Variants in CLSTN2 observed in about 807,000 individuals in gnomAD.
CLSTN2 encodes the protein calsyntenin 2.
A neutral mutation model predicts 101.2 loss-of-function variants in CLSTN2; 48 were observed. The observed-to-expected ratio is 0.47, with a 90% CI of 0.38 to 0.60. CLSTN2 has a LOEUF of 0.60. CLSTN2 is among the 20% of genes least tolerant of loss of function. The pLI, the probability that CLSTN2 is intolerant of heterozygous loss-of-function variation, is 0.00. For missense variants in CLSTN2, 1,160 were observed against 1,238.2 expected, an observed-to-expected ratio of 0.94 and a Z score of 0.95; for synonymous variants, 481 against 463.6, an observed-to-expected ratio of 1.04 and a Z score of -0.48.
At chr3:140,127,826 G>A (rs948246603) in intron 1 of CLSTN2, among the ~76,000 whole-genome samples, 2 of 152,246 alleles carry the variant, frequency 1.3e-5, no homozygotes, top group East Asian at 1.9e-4. Flanking sequence ...AGGGCTAGAT[G>A]TGATCCTGTT....
chr3:140,359,970 T>C (rs937703217), intron 2 of CLSTN2, among the ~76,000 whole-genome samples: 1 of 147,102 alleles, frequency 6.8e-6, no homozygotes, highest in Non-Finnish European at 1.5e-5. Context: ...GTAATATATA[T>C]ACACACATAC....
chr3:140,265,789 C>T (rs999198088), intron 2 of CLSTN2, among the ~76,000 whole-genome samples: 1 of 152,142 alleles, frequency 6.6e-6, no homozygotes, highest in African/African-American at 2.4e-5. Flanking sequence ...AAGAATATTA[C>T]ATATCAAAGG....
At chr3:140,231,649 A>G (rs72988198) in intron 2 of CLSTN2, among the ~76,000 whole-genome samples, 6,046 of 152,250 alleles carry the variant, frequency 0.04, 371 homozygotes, top group African/African-American at 0.14. Context: ...ACGTTGCTCC[A>G]TTATCTCTTC....
chr3:140,537,289 T>G (rs1045933155), intron 9 of CLSTN2, among the ~76,000 whole-genome samples: 6 of 152,210 alleles, frequency 3.9e-5, no homozygotes, highest in Non-Finnish European at 7.3e-5. Context: ...CTGGTCAGTG[T>G]TCTGCAGCCC....
Position 140,573,876 on chromosome 3 carries a change from G to C in CLSTN2, c.*7623G>C, listed in dbSNP as rs1297284707. ...GAGCTGGTACCTCTGGACCATTGAG[G>C]CAACACCTCCCCAGAGGCAGGACCC... On this transcript the variant is annotated 3_prime_UTR_variant, in exon 17 of 17. Coordinates refer to ENST00000458420, the MANE Select transcript of CLSTN2 (RefSeq NM_022131.3). The C allele has an allele frequency of 1.3e-5, 2 of 152,326 alleles. No homozygotes were observed. Among genetic ancestry groups the C allele is most frequent in the Non-Finnish European group, 2.9e-5 (2 of 68,150 alleles). 9.4% of individuals were successfully genotyped at this position (152,326 alleles called of 1,614,324 possible). A position where few individuals can be genotyped will look rare whatever the true frequency, so the allele number is the denominator to read the frequency against.
At chr3:140,536,413 C>A (rs1024318580) in intron 9 of CLSTN2, among the ~76,000 whole-genome samples, 13 of 152,116 alleles carry the variant, frequency 8.5e-5, no homozygotes, top group Non-Finnish European at 1.8e-4. Flanking sequence ...TCTGCAAGAC[C>A]ATAGCATGAT....
At chr3:140,044,339 T>C (rs1576407739) in intron 1 of CLSTN2, among the ~76,000 whole-genome samples, 1 of 152,358 alleles carries the variant, frequency 6.6e-6, no homozygotes, top group East Asian at 1.9e-4. Context: ...TTGTCTGTTA[T>C]TGATGTATAA....
At chr3:140,481,146 G>T (rs1299694135) in intron 8 of CLSTN2, among the ~76,000 whole-genome samples, 3 of 152,160 alleles carry the variant, frequency 2.0e-5, no homozygotes, top group East Asian at 3.8e-4. Flanking sequence ...AAGGGATCCA[G>T]TTTCAGCTTT....
chr3:140,556,542 G>A lies in CLSTN2; in HGVS notation c.1704G>A (p.Leu568=), dbSNP rs1935796268. Residue 568 remains leucine (L), a synonymous_variant, in exon 11 of 17, where the codon CTG becomes CTA. Transcript: ENST00000458420. ...KYHFNPSQSI[L]VMEGDDIGNI... ...ACTTCAACCCCTCGCAGTCCATCCT[G>A]GTGATGGAAGGTGACGACATTGGGA... is the stretch of plus-strand genomic sequence containing the variant. 6.2e-7 allele frequency: 1 copy of A among 1,613,716 alleles called. No individual in the cohort carries two copies. Among genetic ancestry groups the A allele is most frequent in the Admixed American group, 1.7e-5 (1 of 59,996 alleles).
intron 2 of CLSTN2, among the ~76,000 whole-genome samples, chr3:140,313,909 C>T (rs979177900): frequency 2.0e-5 from 3 of 152,168 alleles, no homozygotes; most frequent in African/African-American, 4.8e-5. Context: ...GGAACAGGCC[C>T]CACTTTTTGG....
intron 1 of CLSTN2, among the ~76,000 whole-genome samples, chr3:140,101,850 C>A (rs773849235): frequency 1.4e-4 from 22 of 152,168 alleles, no homozygotes; most frequent in Admixed American, 3.3e-4. Flanking sequence ...AGAAGTGAAA[C>A]AACTCAGTGC....
At chr3:140,173,616 G>C (rs1272204382) in intron 1 of CLSTN2, among the ~76,000 whole-genome samples, 1 of 152,216 alleles carries the variant, frequency 6.6e-6, no homozygotes, top group Non-Finnish European at 1.5e-5. Flanking sequence ...CTCCCCTGCA[G>C]CAAACTTTTG....
intron 5 of CLSTN2, among the ~76,000 whole-genome samples, chr3:140,445,800 T>C (rs1933063254): frequency 6.6e-6 from 1 of 152,150 alleles, no homozygotes; most frequent in South Asian, 2.1e-4. Context: ...TATCAAAAGA[T>C]AGCCTGTAGG....
intron 10 of CLSTN2, among the ~76,000 whole-genome samples, chr3:140,547,830 T>C (rs1219383540): frequency 6.6e-6 from 1 of 152,056 alleles, no homozygotes; most frequent in African/African-American, 2.4e-5. Context: ...GAAAAAACAG[T>C]CCCTCGGCCT....
chr3:139,996,993 G>T (rs1466452019), intron 1 of CLSTN2, among the ~76,000 whole-genome samples: 1 of 144,566 alleles, frequency 6.9e-6, no homozygotes, highest in Non-Finnish European at 1.5e-5. Flanking sequence ...GTTGCAGTCA[G>T]CCAAGATCGC....
intron 2 of CLSTN2, among the ~76,000 whole-genome samples, chr3:140,212,299 G>A (rs998872439): frequency 1.3e-5 from 2 of 152,182 alleles, no homozygotes; most frequent in African/African-American, 2.4e-5. Context: ...CAGCCCTAGG[G>A]GAGCTGGTGA....
In CLSTN2 at chr3:140,448,664, C is replaced by T. The variant is rs560710661; in HGVS notation, c.933C>T (p.Asp311=). The T allele has an allele frequency of 1.5e-5, 24 of 1,614,072 alleles. 1 individual carries two copies. The South Asian group carries it at 2.5e-4, about 17-fold the overall frequency. ...CTAATTACATTGGGAAGGGTTGTGA[C>T]CGGGAGACCTACTCTGAGAAATCCC... The part of the protein sequence containing the change: ...LQTNYIGKGC[D]RETYSEKSLQ... Residue 311 remains aspartate, a synonymous_variant, in exon 6 of 17, where the codon GAC becomes GAT. Coordinates refer to ENST00000458420, the MANE Select transcript of CLSTN2 (RefSeq NM_022131.3).
At chr3:140,542,649 T>C (rs1419879252) in intron 9 of CLSTN2, among the ~76,000 whole-genome samples, 1 of 152,218 alleles carries the variant, frequency 6.6e-6, no homozygotes, top group African/African-American at 2.4e-5. Context: ...GCTCATTGAA[T>C]CAATTTCCTG....
At chr3:140,389,426 A>G (rs1008217870) in intron 2 of CLSTN2, among the ~76,000 whole-genome samples, 3 of 152,208 alleles carry the variant, frequency 2.0e-5, no homozygotes, top group Non-Finnish European at 4.4e-5. Flanking sequence ...GCTGAAGATA[A>G]TAGCTTCCAG....
Sources: allele counts gnomAD v4.1 joint callset (sites outside exome capture counted in the v4.1 genomes callset), GRCh38; gene constraint gnomAD v4.1.1; transcripts MANE v1.5; gene names NCBI Gene and HGNC (gene_info 2026-07-23, HGNC 2026-07-21).